Variants in ZNF214 observed in about 807,000 individuals in gnomAD.
ZNF214 encodes BWSCR2-associated zinc finger protein 1.
Under a neutral mutation model 53.9 loss-of-function variants are expected in ZNF214, and 43 were observed. The ratio of observed to expected loss-of-function variants is 0.80; its 90% CI spans 0.63 to 1.03. The LOEUF (loss-of-function observed/expected upper bound fraction) is 1.03. Among genes scored for constraint, ZNF214 ranks in the 50% least tolerant of loss-of-function variants. The probability of loss-of-function intolerance (pLI) is 0.00; values close to 1 mark genes in which losing one functional copy is unlikely to be tolerated. For synonymous variants in ZNF214, 217 were observed against 229.5 expected (o/e 0.95, Z 0.49); for missense variants, 724 against 719.1 (o/e 1.01, Z -0.08).
At chr11:7,014,823 A>C (rs928476401) in intron 1 of ZNF214, among the ~76,000 whole-genome samples, 5 of 151,018 alleles carry the variant, frequency 3.3e-5, no homozygotes, top group African/African-American at 9.7e-5. Flanking sequence ...AAAAAAACAA[A>C]AAAAAAACAC....
At chr11:7,010,627 CA>C (rs1422401740) in intron 1 of ZNF214, among the ~76,000 whole-genome samples, 4 of 110,890 alleles carry the variant, frequency 3.6e-5, no homozygotes, top group African/African-American at 1.3e-4. Flanking sequence ...AAAGAGAAAC[CA>C]TCCCCCATTA....
chr11:7,011,890 C>A, intron 1 of ZNF214, among the ~76,000 whole-genome samples: 1 of 151,900 alleles, frequency 6.6e-6, no homozygotes, highest in Non-Finnish European at 1.5e-5. Context: ...CCTATCTTAA[C>A]CAAGAATACA....
At chr11:7,013,682 T>C (rs918276668) in intron 1 of ZNF214, among the ~76,000 whole-genome samples, 2 of 152,152 alleles carry the variant, frequency 1.3e-5, no homozygotes, top group Non-Finnish European at 2.9e-5. Flanking sequence ...ACTGTCTTTT[T>C]CTCAATCCTT....
intron 1 of ZNF214, among the ~76,000 whole-genome samples, chr11:7,008,835 A>G (rs2133399899): frequency 6.6e-6 from 1 of 152,328 alleles, no homozygotes; most frequent in Non-Finnish European, 1.5e-5. Flanking sequence ...CCCATTTACA[A>G]TAGCCACAAA....
intron 2 of ZNF214, among the ~76,000 whole-genome samples, chr11:7,001,869 G>A (rs1190503422): frequency 2.6e-5 from 4 of 152,030 alleles, no homozygotes; most frequent in East Asian, 1.9e-4. Flanking sequence ...GGAAATAGTC[G>A]TAAAGACTGA....
rs1442748634 is a variant in ZNF214 at position 7,000,098 on chromosome 11, G to T, written c.1585C>A (p.His529Asn). 1 of 1,613,172 alleles carries T rather than the reference G, an allele frequency of 6.2e-7. No individual in the cohort carries two copies. The highest frequency in any genetic ancestry group is 1.3e-5 in the African/African-American group (1 of 74,912). The change falls in exon 3 of 3, where the codon CAT (histidine) becomes AAT (asparagine). Residue 529 changes from histidine to asparagine, a missense_variant. His to Asn is a moderately conservative substitution (Grantham distance 68). Coordinates refer to ENST00000278314, the MANE Select transcript of ZNF214 (RefSeq NM_013249.4). Reference sequence around the variant, plus strand: ...TGACTAAAACCCTTTCCACAATCATGACATTTATAGGGCTTTTCTCCTGTA... The same window carrying T: ...TGACTAAAACCCTTTCCACAATCATTACATTTATAGGGCTTTTCTCCTGTA... ...VHTGEKPYKC[H>N]DCGKGFSHSS...
Position 7,000,999 on chromosome 11 carries a change from A to G in ZNF214, c.684T>C (p.Tyr228=). 1 of 1,613,116 alleles carries G rather than the reference A, an allele frequency of 6.2e-7. No homozygotes were observed. The highest frequency in any genetic ancestry group is 8.5e-7 in the Non-Finnish European group (1 of 1,179,560). Residue 228 remains tyrosine, a synonymous_variant, in exon 3 of 3, where the codon TAT becomes TAC. Coordinates refer to ENST00000278314, the MANE Select transcript of ZNF214 (RefSeq NM_013249.4). ...GGAAAACACACCGTGAGTTCCAATAATAAATTCCTTTACATTTATTACATC... is the reference window on the plus strand; with the variant it reads ...GGAAAACACACCGTGAGTTCCAATAGTAAATTCCTTTACATTTATTACATC... ...YCGCNKCKGI[Y]YWNSRCVFHK...
intron 1 of ZNF214, among the ~76,000 whole-genome samples, chr11:7,015,312 T>C (rs1303713126): frequency 6.6e-6 from 1 of 152,182 alleles, no homozygotes; most frequent in Non-Finnish European, 1.5e-5. Context: ...GTGCGGTGGC[T>C]CATGCCTGTA....
rs200130416 is a variant in ZNF214, at chr11:7,000,062, G to T, written c.1621C>A (p.Leu541Ile). Residue 541 changes from leucine to isoleucine, a missense_variant, in exon 3 of 3, where the codon CTT becomes ATT. Coordinates refer to ENST00000278314, the MANE Select transcript of ZNF214 (RefSeq NM_013249.4). ...GTATGGACCCTCTGATGAATGTGAA[G>T]ATTAGAACTGTGACTAAAACCCTTT... is the stretch of plus-strand genomic sequence containing the variant. ...CGKGFSHSSN[L>I]HIHQRVHTGE... 1.2e-6 allele frequency: 2 copies of T among 1,613,350 alleles called. No individual in the cohort carries two copies. The highest frequency in any genetic ancestry group is 2.2e-5 in the East Asian group (1 of 44,852).
chr11:7,001,111 A>G lies in ZNF214; in HGVS notation c.572T>C (p.Ile191Thr). 1 of 1,613,304 alleles carries G rather than the reference A, an allele frequency of 6.2e-7. No homozygotes were observed. The highest frequency in any genetic ancestry group is 8.5e-7 in the Non-Finnish European group (1 of 1,179,570). The change falls in exon 3 of 3, where the codon ATC (isoleucine) becomes ACC (threonine). Residue 191 changes from isoleucine to threonine, a missense_variant. Coordinates refer to ENST00000278314, the MANE Select transcript of ZNF214 (RefSeq NM_013249.4). ...EQKLIVQHSY[I>T]PVEEALPQYV... ...CTGTGGAAGGGCTTCCTCCACTGGG[A>G]TATAAGAATGCTGAACTATGAGCTT...
At chr11:7,014,428 TCAA>T (rs1317404023) in intron 1 of ZNF214, among the ~76,000 whole-genome samples, 1 of 152,106 alleles carries the variant, frequency 6.6e-6, no homozygotes, top group African/African-American at 2.4e-5. Context: ...GCTACATGAA[TCAA>T]CATCGATGCA....
rs1400487702 is a variant in ZNF214, at chr11:6,998,867, A to G, written c.*995T>C. ...TTTTTTCTCTTGGTATTACTTCAGC[A>G]TATTTGTGTATCAATAATTAAGACT... On this transcript the variant is annotated 3_prime_UTR_variant, in exon 3 of 3. Coordinates refer to ENST00000278314, the MANE Select transcript of ZNF214 (RefSeq NM_013249.4). Among the ~76,000 whole-genome samples the G allele has an allele frequency of 1.3e-5, 2 of 151,906 alleles. No individual in the cohort carries two copies. Among genetic ancestry groups the G allele is most frequent in the African/African-American group, 4.8e-5 (2 of 41,368 alleles).
At position 7,013,407 on chromosome 11, in the gene ZNF214, T is replaced by C. The variant is rs1375884525; in HGVS notation, c.-21+6666A>G. ...TGCATAATGTCCTTTGGAATGTGTC[T>C]AGACTTGCTGGCTCCTTGCTTCTAG... is the stretch of plus-strand genomic sequence containing the variant. On this transcript the variant is annotated intron_variant, in intron 1 of 2. Coordinates refer to ENST00000278314, the MANE Select transcript of ZNF214 (RefSeq NM_013249.4). 2.0e-5 allele frequency among the ~76,000 whole-genome samples: 3 copies of C among 152,372 alleles called. No homozygotes were observed. The East Asian group carries it at 5.8e-4, about 29-fold the overall frequency.
In ZNF214 at chr11:7,000,412, G is replaced by T. The variant is rs1554949664; in HGVS notation, c.1271C>A (p.Thr424Asn). 1 of 1,613,222 alleles carries T rather than the reference G, an allele frequency of 6.2e-7. No individual in the cohort carries two copies. Among genetic ancestry groups the T allele is most frequent in the South Asian group, 1.1e-5 (1 of 91,034 alleles). ...YKCEDCGKGFTQRSNLQIHQR... is the reference protein window; with the variant it reads ...YKCEDCGKGFNQRSNLQIHQR... ...ATGAATTTGAAGATTTGAGCGCTGGGTAAAGCCTTTACCACAGTCTTCACA... is the reference window on the plus strand; with the variant it reads ...ATGAATTTGAAGATTTGAGCGCTGGTTAAAGCCTTTACCACAGTCTTCACA... Residue 424 changes from threonine (T) to asparagine (N), a missense_variant, in exon 3 of 3, where the codon ACC (threonine) becomes AAC (asparagine). By Grantham distance (65) the Thr-to-Asn change is moderately conservative. Transcript: ENST00000278314.
At chr11:7,003,786 A>T (rs1851413776) in intron 1 of ZNF214, among the ~76,000 whole-genome samples, 1 of 152,022 alleles carries the variant, frequency 6.6e-6, no homozygotes, top group African/African-American at 2.4e-5. Flanking sequence ...AATAAACTAC[A>T]TGAAAATACA....
Position 7,018,976 on chromosome 11 carries a change from A to G in ZNF214, c.-21+1097T>C, listed in dbSNP as rs888255228. Among the ~76,000 whole-genome samples, 4 of 152,190 alleles carry G rather than the reference A, an allele frequency of 2.6e-5. No homozygotes were observed. In the East Asian group the frequency reaches 7.7e-4, roughly 29 times the overall value. On this transcript the variant is annotated intron_variant, in intron 1 of 2. Coordinates refer to ENST00000278314, the MANE Select transcript of ZNF214 (RefSeq NM_013249.4). ...GGCAAGCGAGGAACGTTTTCTGTCC[A>G]GTCATCCATCCATCCTCATTGCCAC...
chr11:7,006,140 T>C (rs1479283948), intron 1 of ZNF214, among the ~76,000 whole-genome samples: 1 of 152,120 alleles, frequency 6.6e-6, no homozygotes, highest in Non-Finnish European at 1.5e-5. Flanking sequence ...TAGGAATCCC[T>C]TCAGGTTGGC....
At chr11:7,003,133 T>G (rs555420905) in intron 1 of ZNF214, among the ~76,000 whole-genome samples, 137 of 152,130 alleles carry the variant, frequency 9.0e-4, no homozygotes, top group African/African-American at 3.1e-3. Flanking sequence ...TGTAGGTAGC[T>G]TTCTACTACT....
In ZNF214 at chr11:7,001,473, C is replaced by T; in HGVS notation, c.210G>A (p.Trp70Ter). ...CATACATCTGGGCGCCAGCATTCCACCAGCCTTGCCAGTAGGAAAAATTTT... is the reference window on the plus strand; with the variant it reads ...CATACATCTGGGCGCCAGCATTCCATCAGCCTTGCCAGTAGGAAAAATTTT... ...EYENFSYWQG[W>*]WNAGAQMYEN... Residue 70 changes from tryptophan (W) to a stop codon, truncating the protein, a stop_gained, in exon 3 of 3, where the codon TGG becomes TGA. Transcript: ENST00000278314. LOFTEE classifies it high-confidence loss of function. 5.0e-6 allele frequency: 8 copies of T among 1,612,756 alleles called. No homozygotes were observed. Among genetic ancestry groups the T allele is most frequent in the Non-Finnish European group, 6.8e-6 (8 of 1,179,164 alleles).
Sources: allele counts gnomAD v4.1 joint callset (sites outside exome capture counted in the v4.1 genomes callset), GRCh38; gene constraint gnomAD v4.1.1; transcripts MANE v1.5; gene names NCBI Gene and HGNC (gene_info 2026-07-23, HGNC 2026-07-21).